EPB41L3: variants seen among roughly 807,000 people sequenced by gnomAD.
EPB41L3 encodes the protein band 4.1-like protein 3.
EPB41L3 carries 57 observed loss-of-function variants against 127.1 expected under a neutral mutation model. The ratio of observed to expected loss-of-function variants is 0.45; its 90% CI spans 0.36 to 0.56. EPB41L3 has a LOEUF of 0.56. Ranked by LOEUF, EPB41L3 falls within the 20% of genes least tolerant of loss-of-function variation. The pLI, the probability that EPB41L3 is intolerant of heterozygous loss-of-function variation, is 0.00. For synonymous variants in EPB41L3, 572 were observed against 549.5 expected (o/e 1.04, Z -0.57); for missense variants, 1,273 against 1,372.2 (o/e 0.93, Z 1.14).
chr18:5,556,203 G>A (rs1340076517), intron 3 of EPB41L3, among the ~76,000 whole-genome samples: 1 of 152,218 alleles, frequency 6.6e-6, no homozygotes, highest in Non-Finnish European at 1.5e-5. Context: ...AGCCTCCACA[G>A]TTGGTAGCCA....
Position 5,445,864 on chromosome 18 carries a change from G to A in EPB41L3, c.382-620C>T, listed in dbSNP as rs937181042. Among the ~76,000 whole-genome samples, 11 of 152,226 alleles carry A rather than the reference G, an allele frequency of 7.2e-5. No individual in the cohort carries two copies. In the East Asian group the frequency reaches 9.7e-4, roughly 13 times the overall value. ...TGTGCGTGCAAAGGATCTAGGTTGC[G>A]CGCTCCTTATGAGAATCTAATGCCT... On this transcript the variant is annotated intron_variant, in intron 3 of 22. Coordinates refer to ENST00000341928, the MANE Select transcript of EPB41L3 (RefSeq NM_012307.5).
chr18:5,501,202 T>C (rs549404134), intron 1 of EPB41L3, among the ~76,000 whole-genome samples: 3 of 152,338 alleles, frequency 2.0e-5, no homozygotes, highest in Admixed American at 6.5e-5. Context: ...AGGTATTCTA[T>C]TATTGTTTCT....
At chr18:5,411,749 A>G (rs1319538190) in intron 13 of EPB41L3, among the ~76,000 whole-genome samples, 1 of 152,136 alleles carries the variant, frequency 6.6e-6, no homozygotes, top group Non-Finnish European at 1.5e-5. Flanking sequence ...AGAACAAGAA[A>G]TGTCAGGAAG....
chr18:5,629,415 CCACACA>C (rs61034629), upstream of EPB41L3, among the ~76,000 whole-genome samples: 1,283 of 143,836 alleles, frequency 8.9e-3, 15 homozygotes, highest in African/African-American at 0.029. Context: ...TCCTTACACA[CCACACA>C]CACACACACA....
chr18:5,590,187 C>T (rs184738253), intron 3 of EPB41L3, among the ~76,000 whole-genome samples: 2 of 152,040 alleles, frequency 1.3e-5, no homozygotes, highest in African/African-American at 2.4e-5. Flanking sequence ...TTTGGGCTTT[C>T]GAAGCTTGTC....
chr18:5,620,799 G>GGA (rs1242409912), intron 1 of EPB41L3, among the ~76,000 whole-genome samples: 1 of 152,064 alleles, frequency 6.6e-6, no homozygotes, highest in Non-Finnish European at 1.5e-5. Context: ...AAAGAGAAAA[G>GGA]GAAATCAAGG....
At chr18:5,589,711 A>C (rs551214060) in intron 3 of EPB41L3, among the ~76,000 whole-genome samples, 5 of 152,326 alleles carry the variant, frequency 3.3e-5, no homozygotes, top group Admixed American at 1.3e-4. Context: ...ATTTTGAAAA[A>C]GAAAAAGTTA....
chr18:5,535,334 A>G (rs531534833), intron 1 of EPB41L3, among the ~76,000 whole-genome samples: 11 of 152,244 alleles, frequency 7.2e-5, no homozygotes, highest in Admixed American at 3.3e-4. Context: ...ACTCCCCCCA[A>G]TGAATTACTG....
chr18:5,563,742 T>C lies in EPB41L3; in HGVS notation c.-306+48598A>G, dbSNP rs573152300. Among the ~76,000 whole-genome samples the C allele has an allele frequency of 4.6e-5, 7 of 152,234 alleles. No individual in the cohort carries two copies. The South Asian group carries it at 1.5e-3, about 32-fold the overall frequency. ...CATTTTTTGATAAAGGAGAAGGGAT[T>C]GGGGAGAAATATGTTGTTGGAAAGA... On this transcript the variant is annotated intron_variant, in intron 3 of 21. Coordinates refer to the EPB41L3 transcript ENST00000545076.
intron 3 of EPB41L3, among the ~76,000 whole-genome samples, chr18:5,561,287 A>C (rs1231885138): frequency 2.0e-5 from 3 of 152,074 alleles, no homozygotes; most frequent in Non-Finnish European, 4.4e-5. Context: ...AGTTGTAATT[A>C]ATTTTTTAAA....
In EPB41L3 at chr18:5,565,949, T is replaced by C. The variant is rs576308719; in HGVS notation, c.-306+46391A>G. On this transcript the variant is annotated intron_variant, in intron 3 of 21. Coordinates refer to the EPB41L3 transcript ENST00000545076. ...CTAAAAACTCTCAATAAATTAGGTATTGATGGGACGTATCTCAAAATAATA... is the reference window on the plus strand; with the variant it reads ...CTAAAAACTCTCAATAAATTAGGTACTGATGGGACGTATCTCAAAATAATA... Among the ~76,000 whole-genome samples, 608 of 152,138 alleles carry C rather than the reference T, an allele frequency of 4.0e-3. 1 individual carries two copies. The highest frequency in any genetic ancestry group is 0.013 in the African/African-American group (528 of 41,502).
chr18:5,534,257 AGT>A (rs1254654504), intron 1 of EPB41L3, among the ~76,000 whole-genome samples: 4 of 152,248 alleles, frequency 2.6e-5, no homozygotes, highest in Non-Finnish European at 5.9e-5. Context: ...CTTCAACCTT[AGT>A]ACTATTTATT....
chr18:5,496,167 C>A (rs546746736), intron 1 of EPB41L3, among the ~76,000 whole-genome samples: 3 of 152,274 alleles, frequency 2.0e-5, no homozygotes, highest in Middle Eastern at 3.4e-3. Flanking sequence ...CTTTTAAGTT[C>A]AAAAATGTTT....
intron 1 of EPB41L3, among the ~76,000 whole-genome samples, chr18:5,504,797 C>T (rs1020031941): frequency 1.1e-4 from 17 of 152,170 alleles, no homozygotes; most frequent in Admixed American, 1.1e-3. Context: ...TCCTCCGCTA[C>T]TCCTGATTCC....
chr18:5,396,464 G>T, intron 18 of EPB41L3, 132 bp from the exon 19 acceptor site: 2 of 1,004,418 alleles, frequency 2.0e-6, no homozygotes, highest in Non-Finnish European at 2.9e-6. Context: ...AGTAAGCTGG[G>T]GAATGAGGCA....
At chr18:5,488,202 C>G (rs901142881) in intron 2 of EPB41L3, among the ~76,000 whole-genome samples, 11 of 152,014 alleles carry the variant, frequency 7.2e-5, no homozygotes, top group Admixed American at 4.6e-4. Context: ...AAAGACCTAC[C>G]TGAAGATCCA....
At chr18:5,403,443 G>C (rs2074833888) in intron 16 of EPB41L3, among the ~76,000 whole-genome samples, 1 of 151,796 alleles carries the variant, frequency 6.6e-6, no homozygotes, top group Non-Finnish European at 1.5e-5. Flanking sequence ...TCTTTGAATT[G>C]TTCATAAATT....
chr18:5,460,498 G>T (rs981334168), intron 3 of EPB41L3, among the ~76,000 whole-genome samples: 1 of 152,190 alleles, frequency 6.6e-6, no homozygotes, highest in Admixed American at 6.5e-5. Flanking sequence ...TGTGTATGTG[G>T]ATGTGTTATG....
chr18:5,501,285 G>C (rs1347016827), intron 1 of EPB41L3, among the ~76,000 whole-genome samples: 6 of 100,610 alleles, frequency 6.0e-5, no homozygotes, highest in African/African-American at 2.8e-4. Flanking sequence ...TTAAATGAAT[G>C]AATGAATGAA....
Sources: allele counts gnomAD v4.1 joint callset (sites outside exome capture counted in the v4.1 genomes callset), GRCh38; gene constraint gnomAD v4.1.1; transcripts MANE v1.5; gene names NCBI Gene and HGNC (gene_info 2026-07-23, HGNC 2026-07-21).